Variants in SUV39H2 observed in about 807,000 individuals in gnomAD.
SUV39H2 encodes SUV39H2 histone lysine methyltransferase.
Under a neutral mutation model 47.5 loss-of-function variants are expected in SUV39H2, and 10 were observed. The ratio of observed to expected loss-of-function variants is 0.21; its 90% CI spans 0.13 to 0.36. SUV39H2 has a LOEUF of 0.36. Among genes scored for constraint, SUV39H2 ranks in the 10% least tolerant of loss-of-function variants. SUV39H2 has a pLI of 1.00. For missense variants in SUV39H2, 266 were observed against 487.4 expected (o/e 0.55, Z 4.28); for synonymous variants, 159 against 166.8 (o/e 0.95, Z 0.36).
intron 3 of SUV39H2, chr10:14,899,103 T>G: frequency 1.6e-6 from 1 of 632,220 alleles, no homozygotes; most frequent in Non-Finnish European, 2.9e-6. Flanking sequence ...GAGGCTCACT[T>G]GAGCCCAGGA....
intron 2 of SUV39H2, among the ~76,000 whole-genome samples, chr10:14,893,856 T>G (rs1833473919): frequency 6.6e-6 from 1 of 152,220 alleles, no homozygotes; most frequent in Non-Finnish European, 1.5e-5. Flanking sequence ...GGAAATAACT[T>G]CAGTGGCAGA....
chr10:14,899,793 C>T (rs1017597310), intron 4 of SUV39H2, 108 bp downstream of exon 4: 23 of 1,307,710 alleles, frequency 1.8e-5, no homozygotes, highest in Non-Finnish European at 2.1e-5. Context: ...TTAACATTTC[C>T]AAAATATGTA....
chr10:14,901,096 C>T (rs754481134), intron 4 of SUV39H2, 37 bp from the exon 5 acceptor site: 23 of 1,608,834 alleles, frequency 1.4e-5, no homozygotes, highest in Middle Eastern at 3.4e-4. Context: ...TTGTTTACAC[C>T]GTTTGTACTT....
At chr10:14,893,255 G>A (rs1389376043) in intron 2 of SUV39H2, among the ~76,000 whole-genome samples, 3 of 151,594 alleles carry the variant, frequency 2.0e-5, no homozygotes, top group Non-Finnish European at 4.4e-5. Context: ...CGCCCGCCTC[G>A]GCCTCCCAAA....
intron 2 of SUV39H2, among the ~76,000 whole-genome samples, chr10:14,896,422 A>G (rs1257929377): frequency 6.6e-6 from 1 of 152,168 alleles, no homozygotes; most frequent in South Asian, 2.1e-4. Flanking sequence ...ATATTAAGTT[A>G]TGGACGTTAA....
intron 2 of SUV39H2, among the ~76,000 whole-genome samples, chr10:14,888,544 G>A (rs1435761394): frequency 2.0e-5 from 3 of 152,034 alleles, no homozygotes; most frequent in Non-Finnish European, 4.4e-5. Flanking sequence ...GCTGAGGCAC[G>A]AGAATCTCTT....
In SUV39H2 at chr10:14,896,878, A is replaced by T. The variant is rs769169159; in HGVS notation, c.210A>T (p.Gly70=). Residue 70 remains glycine (G), a synonymous_variant, in exon 3 of 6, where the codon GGA becomes GGT. Transcript: ENST00000354919. The part of the protein sequence containing the change: ...DMEYYLVKWK[G]WPDSTNTWEP... ...AATATTATCTTGTAAAATGGAAAGG[A>T]TGGCCAGATTCTACAAATACTTGGG... 9 of 1,598,228 alleles carry T rather than the reference A, an allele frequency of 5.6e-6. No homozygotes were observed. The Admixed American group carries it at 1.2e-4, about 21-fold the overall frequency.
chr10:14,888,463 G>A (rs571747860), intron 2 of SUV39H2, among the ~76,000 whole-genome samples: 109 of 151,878 alleles, frequency 7.2e-4, no homozygotes, highest in Non-Finnish European at 1.1e-3. Context: ...GTGAAACCCC[G>A]TCTCTACTAA....
chr10:14,895,187 T>A (rs965984924), intron 2 of SUV39H2, among the ~76,000 whole-genome samples: 10 of 151,886 alleles, frequency 6.6e-5, no homozygotes, highest in Admixed American at 4.6e-4. Flanking sequence ...TTTATTTTTT[T>A]TTTTTTTGAC....
chr10:14,879,021 C>A, intron 1 of SUV39H2, 102 bp downstream of exon 1: 1 of 1,316,668 alleles, frequency 7.6e-7, no homozygotes, highest in Non-Finnish European at 9.7e-7. Flanking sequence ...GGCGACGTGG[C>A]GGTTCCCCGC....
chr10:14,893,741 A>G (rs552635335), intron 2 of SUV39H2, among the ~76,000 whole-genome samples: 43 of 152,380 alleles, frequency 2.8e-4, no homozygotes, highest in African/African-American at 1.0e-3. Flanking sequence ...TTATAAGCAT[A>G]TTTCCTGTTC....
chr10:14,890,502 C>T (rs554059093), intron 2 of SUV39H2, among the ~76,000 whole-genome samples: 9 of 152,268 alleles, frequency 5.9e-5, no homozygotes, highest in Admixed American at 3.3e-4. Context: ...AAACGATCCT[C>T]GCATCTCCGC....
chr10:14,902,613 A>G lies in SUV39H2; in HGVS notation c.*101A>G, dbSNP rs765072991. Reference sequence around the variant, plus strand: ...GACTCTTATTATCAAGGTTCTACCTATGTTAATTTACAATTCATGTTTCAA... The same window carrying G: ...GACTCTTATTATCAAGGTTCTACCTGTGTTAATTTACAATTCATGTTTCAA... On this transcript the variant is annotated 3_prime_UTR_variant, in exon 6 of 6. Coordinates refer to ENST00000354919, the MANE Select transcript of SUV39H2 (RefSeq NM_001193424.2). 23 of 720,662 alleles carry G rather than the reference A, an allele frequency of 3.2e-5. No homozygotes were observed. The highest frequency in any genetic ancestry group is 4.5e-5 in the Non-Finnish European group (21 of 465,950). The allele number at this position is 720,662 out of a possible 1,614,324, so 44.6% of individuals were successfully genotyped here.
At chr10:14,881,770 A>T (rs1042764308) in intron 2 of SUV39H2, 125 bp downstream of exon 2, 1 of 846,332 alleles carries the variant, frequency 1.2e-6, no homozygotes, top group African/African-American at 1.8e-5. Flanking sequence ...AGGCATGATA[A>T]ATTTATATGT....
chr10:14,883,254 C>T (rs886597567), intron 2 of SUV39H2, among the ~76,000 whole-genome samples: 1 of 152,196 alleles, frequency 6.6e-6, no homozygotes, highest in Non-Finnish European at 1.5e-5. Flanking sequence ...TTCAGATCTT[C>T]CCTAACCTTC....
chr10:14,901,773 G>A (rs1141553), intron 5 of SUV39H2, among the ~76,000 whole-genome samples: 1 of 151,830 alleles, frequency 6.6e-6, no homozygotes, highest in Non-Finnish European at 1.5e-5. Context: ...TGGGGCTACA[G>A]TTGAGCTGTG....
intron 2 of SUV39H2, among the ~76,000 whole-genome samples, chr10:14,896,360 A>C (rs894703513): frequency 2.0e-5 from 3 of 152,226 alleles, no homozygotes; most frequent in African/African-American, 7.2e-5. Context: ...GAACATCTAG[A>C]GAATGTGTGC....
intron 5 of SUV39H2, among the ~76,000 whole-genome samples, chr10:14,901,720 A>G (rs995820583): frequency 3.3e-5 from 5 of 151,942 alleles, no homozygotes; most frequent in Non-Finnish European, 7.4e-5. Context: ...AGTCCCAGCT[A>G]CTCGGGAGGC....
At chr10:14,886,909 G>C (rs1833228050) in intron 2 of SUV39H2, among the ~76,000 whole-genome samples, 1 of 152,260 alleles carries the variant, frequency 6.6e-6, no homozygotes, top group East Asian at 1.9e-4. Context: ...AGTGGAGCCT[G>C]AAAAGGCGAG....
Sources: gnomAD v4.1 joint callset for allele counts (sites outside exome capture counted in the v4.1 genomes callset) on GRCh38, gnomAD v4.1.1 for gene constraint, MANE v1.5 for transcripts, NCBI Gene and HGNC (gene_info 2026-07-23, HGNC 2026-07-21) for gene names.